WWTR1: variants seen among roughly 807,000 people sequenced by gnomAD.
WWTR1 encodes the protein WW domain containing transcription regulator 1.
In WWTR1, 13 loss-of-function variants were observed where a neutral mutation model predicts 40.1. The ratio of observed to expected loss-of-function variants is 0.32; its 90% CI spans 0.21 to 0.52. The LOEUF (loss-of-function observed/expected upper bound fraction) is 0.52, where lower values mean the gene tolerates loss of function less well. WWTR1 is among the 20% of genes least tolerant of loss of function. The pLI, the probability that WWTR1 is intolerant of heterozygous loss-of-function variation, is 0.97. For synonymous variants in WWTR1, 230 were observed against 210.1 expected (o/e 1.09, Z -0.82); for missense variants, 436 against 523.1 (o/e 0.83, Z 1.63).
At chr3:149,708,756 T>C (rs1413113346) in intron 5 of WWTR1, among the ~76,000 whole-genome samples, 2 of 152,248 alleles carry the variant, frequency 1.3e-5, no homozygotes, top group African/African-American at 4.8e-5. Flanking sequence ...CTATTGTGAA[T>C]AGTGCTTCAG....
rs1373324254 is a variant in WWTR1 at position 149,657,161 on chromosome 3, G to A, written c.146C>T (p.Pro49Leu). The change falls in exon 2 of 7, where the codon CCG (proline) becomes CTG (leucine). Residue 49 changes from proline (P) to leucine (L), a missense_variant. Physicochemically the swap from Pro to Leu is moderately conservative, Grantham distance 98. Coordinates refer to ENST00000360632, the MANE Select transcript of WWTR1 (RefSeq NM_015472.6). ...ATCAGGCTCCTTAAAGAAAGACTCC[G>A]GCAGGATCTTCTTCCGCCACGAGCT... is the stretch of plus-strand genomic sequence containing the variant. ...KPSSWRKKIL[P>L]ESFFKEPDSG... The A allele has an allele frequency of 1.2e-6, 2 of 1,606,924 alleles. No individual in the cohort carries two copies. Among genetic ancestry groups the A allele is most frequent in the African/African-American group, 1.3e-5 (1 of 74,862 alleles).
At chr3:149,684,142 C>A (rs1328833735) in intron 1 of WWTR1, among the ~76,000 whole-genome samples, 5 of 151,944 alleles carry the variant, frequency 3.3e-5, no homozygotes, top group Non-Finnish European at 5.9e-5. Context: ...CTGGTACATG[C>A]ATAGATTATC....
At chr3:149,528,852 C>T (rs956587245) in intron 4 of WWTR1, among the ~76,000 whole-genome samples, 5 of 152,060 alleles carry the variant, frequency 3.3e-5, no homozygotes, top group Non-Finnish European at 5.9e-5. Context: ...CATGTAGATC[C>T]AATCCAAATC....
At chr3:149,581,512 T>C (rs1443982364) in intron 2 of WWTR1, among the ~76,000 whole-genome samples, 1 of 152,206 alleles carries the variant, frequency 6.6e-6, no homozygotes, top group East Asian at 1.9e-4. Context: ...CTGCAGTCTA[T>C]GACACAGAAA....
upstream of WWTR1, among the ~76,000 whole-genome samples, chr3:149,662,613 T>A (rs1713634502): frequency 6.6e-6 from 1 of 152,178 alleles, no homozygotes; most frequent in African/African-American, 2.4e-5. Flanking sequence ...ATGCTTGAAG[T>A]GGTCTCCTAA....
intron 1 of WWTR1, among the ~76,000 whole-genome samples, chr3:149,692,815 A>G (rs1714867868): frequency 6.6e-6 from 1 of 152,036 alleles, no homozygotes. Context: ...TGTATTTTTT[A>G]GTAGAGATGG....
chr3:149,537,916 A>G (rs1378296451), intron 4 of WWTR1, among the ~76,000 whole-genome samples: 1 of 151,876 alleles, frequency 6.6e-6, no homozygotes, highest in African/African-American at 2.4e-5. Flanking sequence ...TCAGTAAATT[A>G]TATTTTTAAT....
At chr3:149,611,585 T>G (rs1335453799) in intron 2 of WWTR1, among the ~76,000 whole-genome samples, 3 of 152,134 alleles carry the variant, frequency 2.0e-5, no homozygotes, top group Admixed American at 2.0e-4. Flanking sequence ...TTACTCAACG[T>G]TTCAAAAGGC....
intron 4 of WWTR1, among the ~76,000 whole-genome samples, chr3:149,721,333 T>C (rs1427144232): frequency 6.6e-6 from 1 of 152,226 alleles, no homozygotes; most frequent in Non-Finnish European, 1.5e-5. Context: ...TTTTGTCAAA[T>C]GCTTTTTCTG....
chr3:149,653,814 C>T (rs1713038234), intron 2 of WWTR1, among the ~76,000 whole-genome samples: 1 of 152,150 alleles, frequency 6.6e-6, no homozygotes. Context: ...CCAGGGTCCA[C>T]CATTAAATAA....
chr3:149,521,558 T>C lies in WWTR1; in HGVS notation c.1019-569A>G, dbSNP rs554434489. ...CATATGAGCACAGTGCATATGAGCA[T>C]GTTAAGGCTTTAAGTCTTAGAGTAA... On this transcript the variant is annotated intron_variant, in intron 6 of 6. Transcript: ENST00000360632. Among the ~76,000 whole-genome samples, 15 of 152,346 alleles carry C rather than the reference T, an allele frequency of 9.8e-5. No individual in the cohort carries two copies. The South Asian group carries it at 2.9e-3, about 29-fold the overall frequency.
At chr3:149,662,501 T>C (rs1190998625), upstream of WWTR1, among the ~76,000 whole-genome samples, 1 of 152,198 alleles carries the variant, frequency 6.6e-6, no homozygotes, top group African/African-American at 2.4e-5. Flanking sequence ...CTCTTCCCTC[T>C]GTTCACATCC....
intron 2 of WWTR1, among the ~76,000 whole-genome samples, chr3:149,646,619 T>C (rs1198218929): frequency 6.6e-6 from 1 of 152,202 alleles, no homozygotes; most frequent in Non-Finnish European, 1.5e-5. Context: ...CCACTCTAAC[T>C]GGTTATTGAA....
At chr3:149,625,041 C>A (rs1740479947) in intron 2 of WWTR1, among the ~76,000 whole-genome samples, 1 of 146,738 alleles carries the variant, frequency 6.8e-6, no homozygotes, top group South Asian at 2.2e-4. Flanking sequence ...CATTCTTAAT[C>A]TTTACAGAAA....
intron 3 of WWTR1, among the ~76,000 whole-genome samples, chr3:149,550,690 C>CAAAATATCAGTTCCATTTATAGCAAGA (rs1291959945): frequency 1.2e-4 from 13 of 109,290 alleles, no homozygotes; most frequent in East Asian, 5.7e-4. Flanking sequence ...GAATGAGGGA[C>CAAAATATCAGTTCCATTTATAGCAAGA]TGCTGTTCAA....
intron 5 of WWTR1, among the ~76,000 whole-genome samples, chr3:149,716,075 T>C (rs1715601072): frequency 1.3e-5 from 2 of 152,244 alleles, no homozygotes; most frequent in Admixed American, 1.3e-4. Context: ...TCAGGGCTAT[T>C]TGTTTTGAAT....
chr3:149,655,586 G>A (rs971627542), intron 2 of WWTR1, among the ~76,000 whole-genome samples: 1 of 152,186 alleles, frequency 6.6e-6, no homozygotes, highest in Non-Finnish European at 1.5e-5. Flanking sequence ...ACCAGCTGTG[G>A]CATAAATGAC....
intron 2 of WWTR1, among the ~76,000 whole-genome samples, chr3:149,623,732 A>T (rs926829236): frequency 1.3e-5 from 2 of 152,222 alleles, no homozygotes; most frequent in African/African-American, 4.8e-5. Flanking sequence ...CCACTATGTG[A>T]CCGTGTAGAG....
At chr3:149,686,500 A>G (rs1298395514) in intron 1 of WWTR1, among the ~76,000 whole-genome samples, 2 of 152,132 alleles carry the variant, frequency 1.3e-5, no homozygotes, top group African/African-American at 4.8e-5. Context: ...ACTGCACTCC[A>G]GCCTGGGCAA....
Sources: gnomAD v4.1 joint callset for allele counts (sites outside exome capture counted in the v4.1 genomes callset) on GRCh38, gnomAD v4.1.1 for gene constraint, MANE v1.5 for transcripts, NCBI Gene and HGNC (gene_info 2026-07-23, HGNC 2026-07-21) for gene names.